Variants in UBR1 observed in about 807,000 individuals in gnomAD.
UBR1 encodes the protein ubiquitin protein ligase E3 component n-recognin 1.
In UBR1, 102 loss-of-function variants were observed where a neutral mutation model predicts 242.1. The ratio of observed to expected loss-of-function variants is 0.42; its 90% CI spans 0.36 to 0.50. The LOEUF is 0.50. Among genes scored for constraint, UBR1 ranks in the 20% least tolerant of loss-of-function variants. The pLI, the probability that UBR1 is intolerant of heterozygous loss-of-function variation, is 0.01. For missense variants in UBR1, 1,772 were observed against 2,101.8 expected (o/e 0.84, Z 3.07); for synonymous variants, 675 against 684.8 (o/e 0.99, Z 0.22).
chr15:42,956,655 T>C (rs1330880987), intron 44 of UBR1, among the ~76,000 whole-genome samples: 2 of 152,188 alleles, frequency 1.3e-5, no homozygotes, highest in African/African-American at 2.4e-5. Flanking sequence ...CTCTGGAGCC[T>C]GGTGAAATGC....
chr15:43,007,410 G>T, intron 29 of UBR1, 126 bp from the exon 30 acceptor site: 1 of 892,780 alleles, frequency 1.1e-6, no homozygotes, highest in Non-Finnish European at 1.8e-6. Context: ...ATGATATTTA[G>T]CAATATTAAG....
At chr15:43,036,922 C>CTT in intron 17 of UBR1, among the ~76,000 whole-genome samples, 1 of 141,264 alleles carries the variant, frequency 7.1e-6, no homozygotes, top group South Asian at 2.2e-4. Flanking sequence ...CCATTTTTTT[C>CTT]TTTTTTTTTT....
intron 44 of UBR1, among the ~76,000 whole-genome samples, chr15:42,952,674 A>G (rs1021018476): frequency 6.6e-6 from 1 of 152,206 alleles, no homozygotes; most frequent in African/African-American, 2.4e-5. Context: ...GAAAATCTAT[A>G]TTACATAAAT....
chr15:43,072,849 C>A (rs1159777712), intron 4 of UBR1, among the ~76,000 whole-genome samples: 2 of 152,104 alleles, frequency 1.3e-5, no homozygotes, highest in African/African-American at 4.8e-5. Context: ...CTATGTACTT[C>A]ATTGTATATC....
At chr15:43,088,707 A>C (rs1018920552) in intron 1 of UBR1, among the ~76,000 whole-genome samples, 6 of 152,006 alleles carry the variant, frequency 3.9e-5, no homozygotes, top group Non-Finnish European at 8.8e-5. Flanking sequence ...CTGGAAGGAG[A>C]AACAACAAAC....
intron 19 of UBR1, among the ~76,000 whole-genome samples, chr15:43,034,514 T>A (rs1305526023): frequency 3.3e-5 from 5 of 151,996 alleles, no homozygotes; most frequent in Admixed American, 6.6e-5. Context: ...AAGACCAATG[T>A]CTTTATAGAT....
At chr15:42,972,456 C>T (rs934444968) in intron 39 of UBR1, among the ~76,000 whole-genome samples, 3 of 152,096 alleles carry the variant, frequency 2.0e-5, no homozygotes, top group Non-Finnish European at 4.4e-5. Flanking sequence ...GCAACCCCCG[C>T]CTCCTGGGTT....
At chr15:43,040,807 A>T (rs1022470817) in intron 15 of UBR1, among the ~76,000 whole-genome samples, 1 of 152,250 alleles carries the variant, frequency 6.6e-6, no homozygotes, top group Non-Finnish European at 1.5e-5. Context: ...TTCTCAAAAG[A>T]AGACATTTAT....
At chr15:43,065,488 A>T (rs1663713231) in intron 6 of UBR1, among the ~76,000 whole-genome samples, 1 of 151,966 alleles carries the variant, frequency 6.6e-6, no homozygotes, top group Non-Finnish European at 1.5e-5. Flanking sequence ...TCCATTAGCG[A>T]TTCTTCCTGA....
At chr15:42,965,931 A>G (rs779772977) in intron 41 of UBR1, among the ~76,000 whole-genome samples, 1 of 152,254 alleles carries the variant, frequency 6.6e-6, no homozygotes. Flanking sequence ...TAACCTATAC[A>G]TAGATAGGAG....
chr15:43,069,030 C>A (rs1212994416), intron 5 of UBR1, among the ~76,000 whole-genome samples: 1 of 152,086 alleles, frequency 6.6e-6, no homozygotes, highest in Non-Finnish European at 1.5e-5. Context: ...TTTGTTTTTA[C>A]CTTCTATTTA....
In UBR1 at chr15:43,085,979, C is replaced by A; in HGVS notation, c.338+5G>T. 1 of 1,587,236 alleles carries A rather than the reference C, an allele frequency of 6.3e-7. No individual in the cohort carries two copies. The highest frequency in any genetic ancestry group is 1.7e-5 in the Admixed American group (1 of 59,352). On this transcript the variant is annotated splice_donor_5th_base_variant and intron_variant, in intron 2 of 46. Transcript: ENST00000290650. ...TAATCAATCCTGTAAATTTCTAATT[C>A]TTACCTGCAAGAATAGGTTGTCTCT...
At chr15:43,095,649 T>C (rs919619450) in intron 1 of UBR1, among the ~76,000 whole-genome samples, 8 of 152,092 alleles carry the variant, frequency 5.3e-5, no homozygotes, top group Admixed American at 4.6e-4. Flanking sequence ...TGAAAGAACA[T>C]GTAGGCGGTC....
intron 29 of UBR1, among the ~76,000 whole-genome samples, chr15:43,014,970 A>T (rs1480000681): frequency 7.5e-6 from 1 of 134,034 alleles, no homozygotes; most frequent in Non-Finnish European, 1.6e-5. Context: ...TCAGGGAGGG[A>T]GGTGGGGGGT....
At chr15:43,008,109 G>A (rs2032861163) in intron 29 of UBR1, among the ~76,000 whole-genome samples, 1 of 152,218 alleles carries the variant, frequency 6.6e-6, no homozygotes, top group African/African-American at 2.4e-5. Context: ...ATCCTATGAG[G>A]TAGGTGGTAT....
chr15:42,988,738 A>G (rs1489382918), intron 35 of UBR1, 81 bp downstream of exon 35: 3 of 1,557,876 alleles, frequency 1.9e-6, no homozygotes, highest in East Asian at 4.5e-5. Flanking sequence ...CTGGGCCATC[A>G]GTGAAAAAAA....
chr15:43,041,418 G>A (rs1382503514), intron 15 of UBR1, among the ~76,000 whole-genome samples: 1 of 151,940 alleles, frequency 6.6e-6, no homozygotes, highest in Non-Finnish European at 1.5e-5. Context: ...ACAAGAAGGG[G>A]AACATCACAC....
intron 4 of UBR1, among the ~76,000 whole-genome samples, chr15:43,073,005 T>C (rs1194226286): frequency 2.6e-5 from 4 of 151,904 alleles, no homozygotes; most frequent in Non-Finnish European, 5.9e-5. Flanking sequence ...CTACTAAAAA[T>C]ATAAAATTAG....
chr15:42,973,543 C>T (rs2032240050), intron 39 of UBR1, among the ~76,000 whole-genome samples: 1 of 152,178 alleles, frequency 6.6e-6, no homozygotes, highest in Non-Finnish European at 1.5e-5. Flanking sequence ...ATCTGCCCAC[C>T]TTGGCCTCCC....
Sources: gnomAD v4.1 joint callset for allele counts (sites outside exome capture counted in the v4.1 genomes callset) on GRCh38, gnomAD v4.1.1 for gene constraint, MANE v1.5 for transcripts, NCBI Gene and HGNC (gene_info 2026-07-23, HGNC 2026-07-21) for gene names.